Variants in SIPA1L2 observed in about 807,000 individuals in gnomAD.
The protein encoded by SIPA1L2 is signal induced proliferation associated 1 like 2, also known as signal-induced proliferation-associated 1-like protein 2.
A neutral mutation model predicts 163.9 loss-of-function variants in SIPA1L2; 56 were observed. The ratio of observed to expected loss-of-function variants is 0.34; its 90% CI spans 0.28 to 0.43. SIPA1L2 has a LOEUF of 0.43. Ranked by LOEUF, SIPA1L2 falls within the 20% of genes least tolerant of loss-of-function variation. SIPA1L2 has a pLI of 1.00. For synonymous variants in SIPA1L2, 877 were observed against 865.7 expected (o/e 1.01, Z -0.23); for missense variants, 1,974 against 2,193.5 (o/e 0.90, Z 2.00).
intron 1 of SIPA1L2, among the ~76,000 whole-genome samples, chr1:232,579,345 C>T (rs1419942494): frequency 6.6e-6 from 1 of 152,142 alleles, no homozygotes; most frequent in African/African-American, 2.4e-5. Context: ...AGCCCCACAC[C>T]ACCACACCTC....
intron 1 of SIPA1L2, among the ~76,000 whole-genome samples, chr1:232,604,764 G>A (rs1661802326): frequency 6.6e-6 from 1 of 152,068 alleles, no homozygotes; most frequent in South Asian, 2.1e-4. Flanking sequence ...ATCTCATGAT[G>A]GAGTTCTCAG....
chr1:232,493,741 C>A, intron 3 of SIPA1L2, 81 bp from the exon 4 acceptor site: 1 of 1,534,370 alleles, frequency 6.5e-7, no homozygotes, highest in Non-Finnish European at 8.9e-7. Context: ...GTTTGTGTAT[C>A]AAATCTCTGA....
chr1:232,485,245 T>C (rs1665588457), intron 5 of SIPA1L2, among the ~76,000 whole-genome samples: 1 of 152,188 alleles, frequency 6.6e-6, no homozygotes, highest in African/African-American at 2.4e-5. Context: ...CCTATACCGA[T>C]GGATGCTATG....
chr1:232,571,729 T>C (rs1420920491), intron 2 of SIPA1L2, among the ~76,000 whole-genome samples: 1 of 152,146 alleles, frequency 6.6e-6, no homozygotes, highest in Non-Finnish European at 1.5e-5. Flanking sequence ...TTAGTTCACA[T>C]GAAATATGGT....
At chr1:232,463,608 T>C (rs755708485) in intron 9 of SIPA1L2, among the ~76,000 whole-genome samples, 2 of 152,214 alleles carry the variant, frequency 1.3e-5, no homozygotes, top group Non-Finnish European at 2.9e-5. Context: ...GGAAAGTACA[T>C]TTTTGTGGTT....
chr1:232,439,686 T>C lies in SIPA1L2; in HGVS notation c.3643-190A>G, dbSNP rs150071204. ...TTGTGCAGAAGTCTCTAATTCATAC[T>C]TCTTCCCATAATTTATCTAAGTTAA... On this transcript the variant is annotated intron_variant, in intron 14 of 22. Transcript: ENST00000674635. 4.5e-3 allele frequency among the ~76,000 whole-genome samples: 688 copies of C among 152,340 alleles called. 1 individual carries two copies. Among genetic ancestry groups the C allele is most frequent in the Middle Eastern group, 0.01 (3 of 294 alleles).
At chr1:232,446,388 G>A (rs550288585) in intron 10 of SIPA1L2, among the ~76,000 whole-genome samples, 5 of 152,178 alleles carry the variant, frequency 3.3e-5, no homozygotes, top group East Asian at 1.9e-4. Context: ...GCAAATATTC[G>A]TCATTTTTAG....
At chr1:232,517,013 AT>A (rs916365552) in intron 2 of SIPA1L2, among the ~76,000 whole-genome samples, 24 of 152,184 alleles carry the variant, frequency 1.6e-4, no homozygotes, top group African/African-American at 5.8e-4. Flanking sequence ...GAGAAGAGTA[AT>A]TAGATCAAGT....
intron 3 of SIPA1L2, among the ~76,000 whole-genome samples, chr1:232,513,625 G>A (rs1328841878): frequency 6.6e-6 from 1 of 152,052 alleles, no homozygotes; most frequent in Non-Finnish European, 1.5e-5. Flanking sequence ...AAACCAAAAG[G>A]GCATTTACAC....
At chr1:232,624,948 C>T (rs560900441) in intron 1 of SIPA1L2, among the ~76,000 whole-genome samples, 4 of 152,320 alleles carry the variant, frequency 2.6e-5, no homozygotes, top group Admixed American at 6.5e-5. Flanking sequence ...CACTGCAGTT[C>T]CTAAGGCCTC....
At chr1:232,438,397 C>A (rs1662689387) in intron 15 of SIPA1L2, among the ~76,000 whole-genome samples, 1 of 152,202 alleles carries the variant, frequency 6.6e-6, no homozygotes, top group African/African-American at 2.4e-5. Flanking sequence ...CACAGCCAAA[C>A]TGAATAAATG....
chr1:232,610,639 A>G (rs946341148), intron 1 of SIPA1L2, among the ~76,000 whole-genome samples: 2 of 152,184 alleles, frequency 1.3e-5, no homozygotes, highest in Non-Finnish European at 1.5e-5. Context: ...ACATACACAC[A>G]TCAGCAATGA....
In SIPA1L2 at chr1:232,445,735, G is replaced by T; in HGVS notation, c.3147C>A (p.Ser1049Arg). 6.2e-7 allele frequency: 1 copy of T among 1,613,630 alleles called. No individual in the cohort carries two copies. Among genetic ancestry groups the T allele is most frequent in the Non-Finnish European group, 8.5e-7 (1 of 1,179,914 alleles). ...TTTTATACTCGCAGGGGGTGCCCTC[G>T]CTGTCGAGTTTATATTCCACCATAG... ...RIPMVEYKLD[S>R]EGTPCEYKTP... Residue 1049 changes from serine (S) to arginine (R), a missense_variant, in exon 11 of 23, where the codon AGC (serine) becomes AGA (arginine). By Grantham distance (110) the Ser-to-Arg change is moderately radical. Coordinates refer to ENST00000674635, the MANE Select transcript of SIPA1L2 (RefSeq NM_020808.5).
chr1:232,525,566 T>G (rs1301107812), intron 2 of SIPA1L2, among the ~76,000 whole-genome samples: 2 of 152,078 alleles, frequency 1.3e-5, no homozygotes, highest in African/African-American at 4.8e-5. Context: ...AATAATATTT[T>G]ATACTCAAAT....
At chr1:232,508,130 C>T (rs1409353939) in intron 3 of SIPA1L2, among the ~76,000 whole-genome samples, 5 of 152,158 alleles carry the variant, frequency 3.3e-5, no homozygotes, top group East Asian at 1.9e-4. Context: ...GAGGAACACG[C>T]GCTCCTGTGC....
chr1:232,620,233 GGAA>G (rs1662732718), intron 1 of SIPA1L2, among the ~76,000 whole-genome samples: 1 of 152,094 alleles, frequency 6.6e-6, no homozygotes, highest in African/African-American at 2.4e-5. Flanking sequence ...GTTCCAAAAA[GGAA>G]GAAGATAAAA....
intron 4 of SIPA1L2, 109 bp downstream of exon 4, chr1:232,493,418 T>C (rs1666031015): frequency 7.4e-7 from 1 of 1,348,786 alleles, no homozygotes; most frequent in African/African-American, 1.5e-5. Context: ...TTGCAATCAT[T>C]AACATTAAAA....
intron 18 of SIPA1L2, among the ~76,000 whole-genome samples, chr1:232,424,222 T>C (rs1427336485): frequency 6.8e-6 from 1 of 146,342 alleles, no homozygotes; most frequent in Non-Finnish European, 1.5e-5. Context: ...TTGTTGACAG[T>C]GGGGAAAATG....
At chr1:232,435,976 G>C (rs1662537334) in intron 15 of SIPA1L2, among the ~76,000 whole-genome samples, 1 of 152,106 alleles carries the variant, frequency 6.6e-6, no homozygotes, top group Non-Finnish European at 1.5e-5. Flanking sequence ...ATGTGCGTGT[G>C]TGTGCCTGGG....
Sources: allele counts gnomAD v4.1 joint callset (sites outside exome capture counted in the v4.1 genomes callset), GRCh38; gene constraint gnomAD v4.1.1; transcripts MANE v1.5; gene names NCBI Gene and HGNC (gene_info 2026-07-23, HGNC 2026-07-21).